ZNF654: variants seen among roughly 807,000 people sequenced by gnomAD.
ZNF654 encodes the protein melanoma-associated antigen.
Under a neutral mutation model 95.3 loss-of-function variants are expected in ZNF654, and 19 were observed. That is an observed-to-expected ratio of 0.20 (90% CI 0.14 to 0.29). ZNF654 has a LOEUF of 0.29. Among genes scored for constraint, ZNF654 ranks in the 10% least tolerant of loss-of-function variants. ZNF654 has a pLI of 1.00. For synonymous variants in ZNF654, 413 were observed against 457.9 expected (o/e 0.90, Z 1.25); for missense variants, 1,046 against 1,341.0 (o/e 0.78, Z 3.44).
At chr3:88,095,182 A>G (rs1270452004) in intron 2 of ZNF654, among the ~76,000 whole-genome samples, 1 of 152,168 alleles carries the variant, frequency 6.6e-6, no homozygotes, top group East Asian at 1.9e-4. Flanking sequence ...TTTGTAGGGA[A>G]TAATTTTCAA....
intron 4 of ZNF654, 143 bp downstream of exon 4, chr3:88,126,412 T>G: frequency 2.0e-6 from 2 of 1,009,584 alleles, no homozygotes; most frequent in Non-Finnish European, 2.6e-6. Context: ...GAAAAGTGTT[T>G]GTTTTTCTAA....
Position 88,109,577 on chromosome 3 carries a change from A to G in ZNF654, c.333-3538A>G, listed in dbSNP as rs566241958. Among the ~76,000 whole-genome samples, 3 of 152,266 alleles carry G rather than the reference A, an allele frequency of 2.0e-5. No homozygotes were observed. The South Asian group carries it at 6.2e-4, about 32-fold the overall frequency. ...CTTGTATTTTAGTGTAAAAATTACT[A>G]ATATGCTACAGAAATCCAAAAAAGA... On this transcript the variant is annotated intron_variant, in intron 2 of 8. Transcript: ENST00000636215.
At chr3:88,071,041 G>T (rs754778136) in intron 1 of ZNF654, among the ~76,000 whole-genome samples, 2 of 152,040 alleles carry the variant, frequency 1.3e-5, no homozygotes, top group African/African-American at 4.8e-5. Context: ...CTCATTCATC[G>T]GTTCTCAATT....
intron 1 of ZNF654, among the ~76,000 whole-genome samples, chr3:88,081,671 T>C (rs1467703152): frequency 6.6e-6 from 1 of 152,246 alleles, no homozygotes; most frequent in African/African-American, 2.4e-5. Context: ...TCAGGTTGGC[T>C]TCCATATTCT....
At chr3:88,103,567 C>A (rs1203244509) in intron 2 of ZNF654, among the ~76,000 whole-genome samples, 1 of 151,908 alleles carries the variant, frequency 6.6e-6, no homozygotes, top group Non-Finnish European at 1.5e-5. Context: ...AAATAATGGC[C>A]ATGAATTTTC....
intron 2 of ZNF654, among the ~76,000 whole-genome samples, chr3:88,106,075 T>C (rs1704719050): frequency 6.6e-6 from 1 of 152,202 alleles, no homozygotes; most frequent in African/African-American, 2.4e-5. Context: ...ACCAAACCTG[T>C]TGGCGCTCTG....
At chr3:88,066,791 C>CAAACAA (rs999815854) in intron 1 of ZNF654, among the ~76,000 whole-genome samples, 1 of 152,022 alleles carries the variant, frequency 6.6e-6, no homozygotes, top group Non-Finnish European at 1.5e-5. Flanking sequence ...TTAAAAATTA[C>CAAACAA]AAACAAAAAC....
rs760160778 is a variant in ZNF654 at position 88,086,424 on chromosome 3, T to G, written c.332+22T>G. 3 of 1,457,698 alleles carry G rather than the reference T, an allele frequency of 2.1e-6. No homozygotes were observed. The South Asian group carries it at 4.1e-5, about 20-fold the overall frequency. 90.3% of individuals were successfully genotyped at this position (1,457,698 alleles called of 1,614,324 possible). On this transcript the variant is annotated intron_variant, in intron 2 of 8. Coordinates refer to ENST00000636215, the MANE Select transcript of ZNF654 (RefSeq NM_001350134.2). Reference sequence around the variant, plus strand: ...CTGTGTAAGTACTTTTTACTTCTTATAAATGCATTATTTTTCTTGATGTGT... The same window carrying G: ...CTGTGTAAGTACTTTTTACTTCTTAGAAATGCATTATTTTTCTTGATGTGT...
intron 3 of ZNF654, among the ~76,000 whole-genome samples, chr3:88,121,900 T>C (rs2107802269): frequency 6.6e-6 from 1 of 152,306 alleles, no homozygotes; most frequent in African/African-American, 2.4e-5. Context: ...AGTGCTTCCA[T>C]TTACACAGAT....
intron 1 of ZNF654, 147 bp from the exon 2 acceptor site, chr3:88,086,110 T>A: frequency 1.7e-6 from 1 of 590,764 alleles, no homozygotes; most frequent in Non-Finnish European, 2.9e-6. Flanking sequence ...ATCGTCAAAA[T>A]AAACAGTATA....
rs59098936 is a variant in ZNF654, at chr3:88,137,687, C to T, written c.1036-1018C>T. Among the ~76,000 whole-genome samples the T allele has an allele frequency of 3.0e-3, 463 of 152,226 alleles. 3 individuals carry two copies. Among genetic ancestry groups the T allele is most frequent in the African/African-American group, 0.011 (445 of 41,548 alleles). ...GGGGAGAAAAACCTTCAGATTAGAA[C>T]TGATTCTCAAAGAATGAATAGGAGG... is the stretch of plus-strand genomic sequence containing the variant. On this transcript the variant is annotated intron_variant, in intron 7 of 8. Coordinates refer to ENST00000636215, the MANE Select transcript of ZNF654 (RefSeq NM_001350134.2).
chr3:88,083,942 TA>T (rs1387089694), intron 1 of ZNF654, among the ~76,000 whole-genome samples: 2 of 584 alleles, frequency 3.4e-3, no homozygotes, highest in Admixed American at 0.091. Context: ...GTACTTATTT[TA>T]TATATATATA....
intron 2 of ZNF654, among the ~76,000 whole-genome samples, chr3:88,109,445 G>T (rs1298174662): frequency 6.6e-6 from 1 of 152,064 alleles, no homozygotes; most frequent in African/African-American, 2.4e-5. Flanking sequence ...ACATAGAGTA[G>T]ACCTAATTTT....
chr3:88,070,563 GTTTTTTTT>G (rs67079285), intron 1 of ZNF654, among the ~76,000 whole-genome samples: 2 of 111,308 alleles, frequency 1.8e-5, no homozygotes, highest in African/African-American at 8.3e-5. Context: ...AACACTGCCT[GTTTTTTTT>G]TTTTTTTTTT....
At chr3:88,130,284 C>T (rs1576339621) in intron 6 of ZNF654, among the ~76,000 whole-genome samples, 1 of 152,242 alleles carries the variant, frequency 6.6e-6, no homozygotes, top group East Asian at 1.9e-4. Context: ...AAACTCTTAC[C>T]ACTTTGCTGT....
In ZNF654 at chr3:88,080,543, G is replaced by T. The variant is rs138931362; in HGVS notation, c.187-5714G>T. Among the ~76,000 whole-genome samples the T allele has an allele frequency of 8.2e-3, 1,251 of 152,096 alleles. 9 individuals are homozygous for T. Among genetic ancestry groups the T allele is most frequent in the African/African-American group, 0.029 (1,211 of 41,494 alleles). ...TTTAGAATAGAAGTTTAATGATTTTGCTAAGGTTACCAGCTAATAAGTGAC... is the reference window on the plus strand; with the variant it reads ...TTTAGAATAGAAGTTTAATGATTTTTCTAAGGTTACCAGCTAATAAGTGAC... On this transcript the variant is annotated intron_variant, in intron 1 of 8. Coordinates refer to ENST00000636215, the MANE Select transcript of ZNF654 (RefSeq NM_001350134.2).
intron 1 of ZNF654, among the ~76,000 whole-genome samples, chr3:88,068,202 C>T (rs1244986585): frequency 1.3e-5 from 2 of 150,730 alleles, no homozygotes; most frequent in Non-Finnish European, 2.9e-5. Flanking sequence ...TTAGTATGTA[C>T]CTTTGTTCAT....
chr3:88,128,439 G>T (rs1249733263), intron 4 of ZNF654, among the ~76,000 whole-genome samples: 7 of 151,884 alleles, frequency 4.6e-5, no homozygotes, highest in Admixed American at 1.3e-4. Flanking sequence ...AGAAAATATT[G>T]AGCAGTAAGA....
At chr3:88,091,733 A>T (rs992409587) in intron 2 of ZNF654, among the ~76,000 whole-genome samples, 3 of 152,136 alleles carry the variant, frequency 2.0e-5, no homozygotes, top group Non-Finnish European at 4.4e-5. Flanking sequence ...AATAAGTCTC[A>T]TGAGATCTGA....
Sources: gnomAD v4.1 joint callset for allele counts (sites outside exome capture counted in the v4.1 genomes callset) on GRCh38, gnomAD v4.1.1 for gene constraint, MANE v1.5 for transcripts, NCBI Gene and HGNC (gene_info 2026-07-23, HGNC 2026-07-21) for gene names.